NAA60: variants seen among roughly 807,000 people sequenced by gnomAD.
NAA60 encodes the protein N-alpha-acetyltransferase 60.
In NAA60, 8 loss-of-function variants were observed where a neutral mutation model predicts 26.1. The ratio of observed to expected loss-of-function variants is 0.31; its 90% CI spans 0.18 to 0.55. NAA60 has a LOEUF of 0.55. NAA60 is among the 20% of genes least tolerant of loss of function. The probability of loss-of-function intolerance (pLI) is 0.93; values close to 1 mark genes in which losing one functional copy is unlikely to be tolerated. For missense variants in NAA60, 290 were observed against 311.3 expected (o/e 0.93, Z 0.51); for synonymous variants, 131 against 122.5 (o/e 1.07, Z -0.46).
intron 2 of NAA60, among the ~76,000 whole-genome samples, chr16:3,466,658 G>A (rs1161709426): frequency 6.6e-6 from 1 of 152,222 alleles, no homozygotes; most frequent in East Asian, 1.9e-4. Flanking sequence ...TGGTATGGAT[G>A]AGCACATGCT....
intron 3 of NAA60, 93 bp downstream of exon 3, chr16:3,476,430 A>T (rs570447951): frequency 9.6e-7 from 1 of 1,045,580 alleles, no homozygotes; most frequent in African/African-American, 1.6e-5. Flanking sequence ...GGCCCTTAGG[A>T]CCGTGCTGCA....
intron 2 of NAA60, among the ~76,000 whole-genome samples, chr16:3,451,846 A>T (rs574685407): frequency 6.6e-6 from 1 of 151,972 alleles, no homozygotes; most frequent in East Asian, 1.9e-4. Context: ...TGAGCCCAGG[A>T]GGCAGAAATT....
At chr16:3,470,588 C>G (rs972220251) in intron 2 of NAA60, among the ~76,000 whole-genome samples, 1 of 151,800 alleles carries the variant, frequency 6.6e-6, no homozygotes, top group African/African-American at 2.4e-5. Context: ...CCTGCTGTGA[C>G]TGCAGGCACG....
chr16:3,457,150 A>C (rs980375473), intron 2 of NAA60, among the ~76,000 whole-genome samples: 2 of 152,166 alleles, frequency 1.3e-5, no homozygotes, highest in Non-Finnish European at 2.9e-5. Context: ...CTCGGAGTTG[A>C]AATATACAGC....
At position 3,454,354 on chromosome 16, in the gene NAA60, A is replaced by G. The variant is rs528786536; in HGVS notation, c.-7+5814A>G. Among the ~76,000 whole-genome samples the G allele has an allele frequency of 5.9e-5, 9 of 152,298 alleles. No individual in the cohort carries two copies. The East Asian group carries it at 1.5e-3, about 26-fold the overall frequency. The stretch of plus-strand genomic sequence containing the variant: ...GTGTCTGTGCTAGACCCATGGCCAG[A>G]GGGTGAAAGGAGGCATGAGTAAATA... On this transcript the variant is annotated intron_variant, in intron 2 of 7. Coordinates refer to ENST00000407558, the MANE Select transcript of NAA60 (RefSeq NM_001083601.3).
intron 5 of NAA60, 109 bp from the exon 6 acceptor site, chr16:3,483,254 C>T (rs2074525): frequency 0.027 from 21,473 of 797,602 alleles, 1,111 homozygotes; most frequent in East Asian, 0.13. Context: ...GTCTCTGATA[C>T]GGTGGGCCGA....
chr16:3,485,716 CT>C lies in NAA60; in HGVS notation c.*457del. On this transcript the variant is annotated 3_prime_UTR_variant, in exon 8 of 8. Transcript: ENST00000407558. ...CACTTGACCGTAAAGGCACAGGAGCCTCGGAACAAGGGGGCGCAATAAAGGG... is the reference window on the plus strand; with the variant it reads ...CACTTGACCGTAAAGGCACAGGAGCCCGGAACAAGGGGGCGCAATAAAGGG... 1 of 456,452 alleles carries C rather than the reference CT, an allele frequency of 2.2e-6. No homozygotes were observed. The highest frequency in any genetic ancestry group is 1.5e-5 in the South Asian group (1 of 64,568). The allele number at this position is 456,452 out of a possible 1,614,324, so 28.3% of individuals were successfully genotyped here.
Position 3,443,714 on chromosome 16 carries a change from C to G in NAA60, c.-200C>G. ...CTGGCGGGGTCTCCTCCGTGAGCTC[C>G]GGGCCTGTTTGCCTGCTGAAGTAGA... On this transcript the variant is annotated 5_prime_UTR_variant, in exon 1 of 8. Transcript: ENST00000407558. The G allele has an allele frequency of 6.8e-7, 1 of 1,465,322 alleles. No homozygotes were observed. The highest frequency in any genetic ancestry group is 9.0e-7 in the Non-Finnish European group (1 of 1,110,908). 90.8% of individuals were successfully genotyped at this position (1,465,322 alleles called of 1,614,324 possible).
intron 2 of NAA60, chr16:3,458,175 C>T: frequency 6.1e-6 from 6 of 984,992 alleles, no homozygotes; most frequent in Non-Finnish European, 6.0e-6. Flanking sequence ...GCCGGCTCCC[C>T]CACGAGGTGA....
intron 2 of NAA60, chr16:3,472,444 TCTCA>T (rs2036212861): frequency 6.6e-6 from 1 of 152,242 alleles, no homozygotes; most frequent in African/African-American, 2.4e-5. Context: ...TGAGACAGAA[TCTCA>T]CTCTATCGCC....
At chr16:3,459,814 A>G (rs1385786822) in intron 2 of NAA60, among the ~76,000 whole-genome samples, 1 of 152,152 alleles carries the variant, frequency 6.6e-6, no homozygotes, top group Non-Finnish European at 1.5e-5. Flanking sequence ...ACTTGAAGTG[A>G]CTTTGTTGCC....
intron 3 of NAA60, among the ~76,000 whole-genome samples, chr16:3,476,810 G>C (rs8051821): frequency 0.078 from 11,947 of 152,202 alleles, 624 homozygotes; most frequent in South Asian, 0.17. Context: ...GGGAGGCCAA[G>C]GAGGGCAGAT....
At chr16:3,468,919 C>G (rs923402533) in intron 2 of NAA60, among the ~76,000 whole-genome samples, 4 of 152,122 alleles carry the variant, frequency 2.6e-5, no homozygotes, top group Non-Finnish European at 5.9e-5. Flanking sequence ...AACCTTGTCT[C>G]TACTACAAAT....
chr16:3,459,990 A>G (rs1212096275), intron 2 of NAA60, among the ~76,000 whole-genome samples: 1 of 152,184 alleles, frequency 6.6e-6, no homozygotes, highest in Non-Finnish European at 1.5e-5. Context: ...ACCAGGAGGG[A>G]TTGTGCCCTG....
chr16:3,453,496 C>A (rs1005517575), intron 2 of NAA60, among the ~76,000 whole-genome samples: 1 of 152,160 alleles, frequency 6.6e-6, no homozygotes, highest in African/African-American at 2.4e-5. Context: ...ACAACCTCTG[C>A]CTTCCAGGTT....
At chr16:3,464,175 A>G (rs1244724473) in intron 2 of NAA60, among the ~76,000 whole-genome samples, 1 of 152,172 alleles carries the variant, frequency 6.6e-6, no homozygotes, top group East Asian at 1.9e-4. Flanking sequence ...CTGGGATTAC[A>G]GCCACCATGC....
At chr16:3,447,598 T>C in intron 1 of NAA60, 1 of 985,436 alleles carries the variant, frequency 1.0e-6, no homozygotes, top group Non-Finnish European at 1.2e-6. Context: ...CAGAGCCTTC[T>C]CACCTACACT....
At chr16:3,455,971 C>T (rs1238677220) in intron 2 of NAA60, among the ~76,000 whole-genome samples, 2 of 152,212 alleles carry the variant, frequency 1.3e-5, no homozygotes, top group South Asian at 2.1e-4. Flanking sequence ...TCCCAAAGTG[C>T]TGGGATTACA....
In NAA60 at chr16:3,447,571, C is replaced by G. The variant is rs186257798; in HGVS notation, c.-76-900C>G. 6.1e-6 allele frequency: 6 copies of G among 985,378 alleles called. No homozygotes were observed. The East Asian group carries it at 6.8e-4, about 112-fold the overall frequency. 61.0% of individuals were successfully genotyped at this position (985,378 alleles called of 1,614,324 possible). ...CCGTATCCTTCATGGGAAGTTGATA[C>G]TGATCGGAAACTGACACAGAGCCTT... is the stretch of plus-strand genomic sequence containing the variant. On this transcript the variant is annotated intron_variant, in intron 1 of 7. Transcript: ENST00000407558.
Sources: allele counts gnomAD v4.1 joint callset (sites outside exome capture counted in the v4.1 genomes callset), GRCh38; gene constraint gnomAD v4.1.1; transcripts MANE v1.5; gene names NCBI Gene and HGNC (gene_info 2026-07-23, HGNC 2026-07-21).